The following E2F3 variants were observed in gnomAD, a reference collection of about 807,000 sequenced individuals.
The protein encoded by E2F3 is transcription factor E2F3.
Under a neutral mutation model 44.4 loss-of-function variants are expected in E2F3, and 11 were observed. The ratio of observed to expected loss-of-function variants is 0.25; its 90% confidence interval spans 0.16 to 0.41. E2F3 has a LOEUF of 0.41. E2F3 is among the 10% of genes least tolerant of loss of function. E2F3 has a pLI of 1.00. For synonymous variants in E2F3, 249 were observed against 253.0 expected (o/e 0.98, Z 0.15); for missense variants, 487 against 583.6 (o/e 0.83, Z 1.70).
At position 20,482,933 on chromosome 6, in the gene E2F3, C is replaced by T; in HGVS notation, c.884+13C>T. 2 of 1,612,818 alleles carry T rather than the reference C, an allele frequency of 1.2e-6. No individual in the cohort carries two copies. The highest frequency in any genetic ancestry group is 1.7e-6 in the Non-Finnish European group (2 of 1,179,116). The stretch of plus-strand genomic sequence containing the variant: ...CAGAGAATCAAAGATATCCTTTGTG[C>T]CGCCAGTTCTCTGGGGGTTAGTGCT... On this transcript the variant is annotated intron_variant, in intron 4 of 6. Coordinates refer to ENST00000346618, the MANE Select transcript of E2F3 (RefSeq NM_001949.5).
intron 1 of E2F3, among the ~76,000 whole-genome samples, chr6:20,426,647 G>A (rs2328490): frequency 0.85 from 130,031 of 152,238 alleles, 56,203 homozygotes; most frequent in East Asian, 0.93. Flanking sequence ...GGGCTGTGCT[G>A]TTGGTGACCA....
At chr6:20,479,534 A>G (rs1032557291) in intron 1 of E2F3, among the ~76,000 whole-genome samples, 5 of 152,196 alleles carry the variant, frequency 3.3e-5, no homozygotes, top group Non-Finnish European at 7.3e-5. Flanking sequence ...TTAGCATCCA[A>G]CCCCATGCCA....
At chr6:20,425,845 C>A (rs574516182) in intron 1 of E2F3, among the ~76,000 whole-genome samples, 1 of 152,252 alleles carries the variant, frequency 6.6e-6, no homozygotes, top group African/African-American at 2.4e-5. Flanking sequence ...CAGTTTGAGC[C>A]CTCCCTTCCC....
chr6:20,433,782 A>C (rs1760487154), intron 1 of E2F3, among the ~76,000 whole-genome samples: 1 of 152,192 alleles, frequency 6.6e-6, no homozygotes, highest in African/African-American at 2.4e-5. Context: ...CACTAGCCTG[A>C]GAAAAGGGGT....
chr6:20,415,319 G>A (rs1759809048), intron 1 of E2F3, among the ~76,000 whole-genome samples: 1 of 152,186 alleles, frequency 6.6e-6, no homozygotes, highest in South Asian at 2.1e-4. Context: ...CTTGATGGAG[G>A]GGACAAAGGA....
At chr6:20,487,452 T>A (rs1328125820) in intron 5 of E2F3, among the ~76,000 whole-genome samples, 1 of 152,218 alleles carries the variant, frequency 6.6e-6, no homozygotes, top group East Asian at 1.9e-4. Flanking sequence ...GATTTTTAAA[T>A]GTTGGTATGC....
In E2F3 at chr6:20,447,322, A is replaced by ATG. The variant is rs546318899; in HGVS notation, c.394-32510_394-32509dup. Among the ~76,000 whole-genome samples the ATG allele has an allele frequency of 1.7e-3, 257 of 151,178 alleles. 5 individuals are homozygous for ATG. The South Asian group carries it at 0.035, about 20-fold the overall frequency. ...GTACTACGTTATTAGTGGGATGTGT[A>ATG]TGTGTGTGTGTGTGTATGAGAGAGA... is the stretch of plus-strand genomic sequence containing the variant. On this transcript the variant is annotated intron_variant, in intron 1 of 6. Transcript: ENST00000346618.
intron 1 of E2F3, among the ~76,000 whole-genome samples, chr6:20,440,461 T>C (rs777085757): frequency 6.6e-6 from 1 of 152,202 alleles, no homozygotes; most frequent in Non-Finnish European, 1.5e-5. Context: ...GAGGAAAACT[T>C]GGCTCCCGAG....
chr6:20,457,669 T>C (rs1362930167), intron 1 of E2F3, among the ~76,000 whole-genome samples: 1 of 152,190 alleles, frequency 6.6e-6, no homozygotes. Flanking sequence ...AATTGCCTCC[T>C]GAGAAGTCCT....
intron 1 of E2F3, among the ~76,000 whole-genome samples, chr6:20,454,394 TG>T (rs1761241131): frequency 6.6e-6 from 1 of 152,224 alleles, no homozygotes; most frequent in Non-Finnish European, 1.5e-5. Context: ...TGTGGGCGGA[TG>T]GGTTTGGTCC....
Position 20,479,964 on chromosome 6 carries a change from A to G in E2F3, c.505+7A>G, listed in dbSNP as rs1365001917. On this transcript the variant is annotated splice_region_variant and intron_variant, in intron 2 of 6. Transcript: ENST00000346618. ...AGTCCAGATAGTCCAAAAAGTAAGG[A>G]TCTTTTCATCTCTTTCCTTATTCTC... is the stretch of plus-strand genomic sequence containing the variant. 3 of 1,597,032 alleles carry G rather than the reference A, an allele frequency of 1.9e-6. No homozygotes were observed. Among genetic ancestry groups the G allele is most frequent in the Non-Finnish European group, 2.6e-6 (3 of 1,170,506 alleles).
At chr6:20,443,628 G>A (rs1371334725) in intron 1 of E2F3, among the ~76,000 whole-genome samples, 5 of 152,024 alleles carry the variant, frequency 3.3e-5, no homozygotes, top group Admixed American at 2.0e-4. Flanking sequence ...TTAGTTACTC[G>A]GGAGAGCGAG....
intron 1 of E2F3, among the ~76,000 whole-genome samples, chr6:20,424,427 G>A (rs977813022): frequency 6.6e-6 from 1 of 151,794 alleles, no homozygotes; most frequent in African/African-American, 2.4e-5. Flanking sequence ...ATACATGCAT[G>A]TATGTGCTGT....
chr6:20,419,494 T>C (rs1373511465), intron 1 of E2F3, among the ~76,000 whole-genome samples: 2 of 152,228 alleles, frequency 1.3e-5, no homozygotes, highest in Non-Finnish European at 2.9e-5. Context: ...ACATTAGTCT[T>C]TTTGCAGTTG....
chr6:20,486,862 A>G, intron 5 of E2F3, 59 bp downstream of exon 5: 2 of 1,127,840 alleles, frequency 1.8e-6, no homozygotes, highest in East Asian at 4.8e-5. Context: ...CTGAAATTGA[A>G]TGACTCATTG....
intron 1 of E2F3, among the ~76,000 whole-genome samples, chr6:20,407,367 G>C (rs542077373): frequency 6.6e-6 from 1 of 152,242 alleles, no homozygotes; most frequent in African/African-American, 2.4e-5. Context: ...ATGGCACTGT[G>C]GGCTGAAGAA....
chr6:20,415,882 C>T (rs1759829480), intron 1 of E2F3, among the ~76,000 whole-genome samples: 1 of 152,102 alleles, frequency 6.6e-6, no homozygotes, highest in South Asian at 2.1e-4. Context: ...GTCTGCAGTT[C>T]AGGGAAGGAA....
At chr6:20,480,776 CTGTT>C (rs147805376) in intron 2 of E2F3, among the ~76,000 whole-genome samples, 3,732 of 152,318 alleles carry the variant, frequency 0.025, 153 homozygotes, top group African/African-American at 0.082. Context: ...TGAGATGGGT[CTGTT>C]TAAGACCTTG....
chr6:20,479,804 T>C, intron 1 of E2F3, 42 bp from the exon 2 acceptor site: 1 of 1,552,822 alleles, frequency 6.4e-7, no homozygotes, highest in Non-Finnish European at 8.8e-7. Context: ...CTTGTTCTTG[T>C]CCATATGACC....
Sources: gnomAD v4.1 joint callset for allele counts (sites outside exome capture counted in the v4.1 genomes callset) on GRCh38, gnomAD v4.1.1 for gene constraint, MANE v1.5 for transcripts, NCBI Gene and HGNC (gene_info 2026-07-23, HGNC 2026-07-21) for gene names.